The following ADAMTSL1 variants were observed in gnomAD, a reference collection of about 807,000 sequenced individuals.
ADAMTSL1 encodes the protein ADAMTS like 1, also known as ADAMTS-like protein 1.
A neutral mutation model predicts 201.8 loss-of-function variants in ADAMTSL1; 126 were observed. That is an observed-to-expected ratio of 0.62 (90% confidence interval 0.54 to 0.72). The LOEUF is 0.72. Ranked by LOEUF, ADAMTSL1 falls within the 30% of genes least tolerant of loss-of-function variation. The probability of loss-of-function intolerance (pLI) is 0.00; values close to 1 mark genes in which losing one functional copy is unlikely to be tolerated. For missense variants in ADAMTSL1, 2,679 were observed against 2,277.8 expected (o/e 1.18, Z -3.59); for synonymous variants, 1,121 against 903.4 (o/e 1.24, Z -4.32).
At chr9:18,620,989 G>C (rs1826002811) in intron 4 of ADAMTSL1, among the ~76,000 whole-genome samples, 1 of 152,040 alleles carries the variant, frequency 6.6e-6, no homozygotes, top group Non-Finnish European at 1.5e-5. Flanking sequence ...TTATTAATAA[G>C]AGGAATAAAA....
At chr9:18,255,781 C>T (rs927590472) in intron 2 of ADAMTSL1, among the ~76,000 whole-genome samples, 13 of 152,136 alleles carry the variant, frequency 8.5e-5, no homozygotes, top group African/African-American at 3.1e-4. Context: ...CCCACTCCCT[C>T]CCACCTCTCT....
intron 2 of ADAMTSL1, among the ~76,000 whole-genome samples, chr9:18,397,381 T>C (rs757146512): frequency 3.3e-5 from 5 of 152,110 alleles, no homozygotes; most frequent in Admixed American, 6.5e-5. Context: ...TATGATACCA[T>C]TGAATCCATG....
intron 2 of ADAMTSL1, among the ~76,000 whole-genome samples, chr9:18,378,250 C>T (rs935179619): frequency 1.6e-4 from 24 of 152,114 alleles, no homozygotes; most frequent in Admixed American, 1.6e-3. Context: ...TATTTGAGGA[C>T]TAACGGAAAT....
At chr9:18,155,429 G>A (rs1409013885) in intron 1 of ADAMTSL1, among the ~76,000 whole-genome samples, 2 of 152,004 alleles carry the variant, frequency 1.3e-5, no homozygotes, top group African/African-American at 4.8e-5. Context: ...CACTAGTTCT[G>A]ATCATTACTT....
At chr9:18,187,115 GT>G (rs1828772433) in intron 2 of ADAMTSL1, among the ~76,000 whole-genome samples, 1 of 152,140 alleles carries the variant, frequency 6.6e-6, no homozygotes, top group South Asian at 2.1e-4. Flanking sequence ...TTCCCAGTAA[GT>G]AACTCACATT....
intron 2 of ADAMTSL1, among the ~76,000 whole-genome samples, chr9:18,529,129 C>T (rs982885704): frequency 6.6e-6 from 1 of 152,090 alleles, no homozygotes; most frequent in East Asian, 1.9e-4. Flanking sequence ...AATTTATATT[C>T]AAATTTCATA....
intron 8 of ADAMTSL1, 148 bp from the exon 9 acceptor site, chr9:18,661,787 T>G (rs1829109813): frequency 2.5e-6 from 2 of 805,248 alleles, no homozygotes; most frequent in Non-Finnish European, 3.7e-6. Flanking sequence ...CAAAAATTAA[T>G]GAGCCTTCCA....
chr9:18,020,619 C>T (rs1006486499), intron 1 of ADAMTSL1, among the ~76,000 whole-genome samples: 1 of 152,062 alleles, frequency 6.6e-6, no homozygotes, highest in East Asian at 1.9e-4. Context: ...CGGAGACCAC[C>T]CCCATGATCC....
At chr9:18,759,617 T>C (rs1819955587) in intron 16 of ADAMTSL1, among the ~76,000 whole-genome samples, 2 of 152,228 alleles carry the variant, frequency 1.3e-5, no homozygotes, top group African/African-American at 4.8e-5. Context: ...ATCCTATCTT[T>C]TGAGGCAGCA....
rs919316503 is a variant in ADAMTSL1, at chr9:18,559,445, C to T, written c.238-14585C>T. Among the ~76,000 whole-genome samples, 9 of 152,094 alleles carry T rather than the reference C, an allele frequency of 5.9e-5. No homozygotes were observed. The East Asian group carries it at 1.4e-3, about 23-fold the overall frequency. On this transcript the variant is annotated intron_variant, in intron 3 of 28. Transcript: ENST00000380548. ...TAGTTTGAAGTCAGGTAATGTGATA[C>T]CTCCAGCTTTGTTCTTTTTGCTTAG... is the stretch of plus-strand genomic sequence containing the variant.
chr9:18,180,508 G>C (rs1188434990), intron 2 of ADAMTSL1, among the ~76,000 whole-genome samples: 1 of 147,346 alleles, frequency 6.8e-6, no homozygotes, highest in Non-Finnish European at 1.5e-5. Context: ...ACTCCAGCCT[G>C]GGTGACAGAG....
At chr9:18,826,028 A>C in intron 21 of ADAMTSL1, 1 of 589,802 alleles carries the variant, frequency 1.7e-6, no homozygotes, top group East Asian at 2.8e-5. Flanking sequence ...TGTAAGTTTA[A>C]AAGGCAAAAG....
intron 26 of ADAMTSL1, among the ~76,000 whole-genome samples, chr9:18,901,136 T>G (rs1166938718): frequency 7.0e-6 from 1 of 143,834 alleles, no homozygotes; most frequent in Non-Finnish European, 1.5e-5. Context: ...AAATAAGCCC[T>G]TTTTCTTTAT....
intron 1 of ADAMTSL1, among the ~76,000 whole-genome samples, chr9:18,003,424 A>G (rs1161521842): frequency 6.6e-6 from 1 of 152,064 alleles, no homozygotes; most frequent in Non-Finnish European, 1.5e-5. Flanking sequence ...ATGTGGTGAA[A>G]GGAATCTCTC....
chr9:18,833,845 C>T (rs1406086911), intron 23 of ADAMTSL1, among the ~76,000 whole-genome samples: 1 of 152,108 alleles, frequency 6.6e-6, no homozygotes, highest in African/African-American at 2.4e-5. Flanking sequence ...GTCTTCAATC[C>T]ATCTTGAGTT....
chr9:18,567,723 C>G (rs1005936282), intron 3 of ADAMTSL1, among the ~76,000 whole-genome samples: 1 of 152,064 alleles, frequency 6.6e-6, no homozygotes, highest in East Asian at 1.9e-4. Flanking sequence ...TAGATACTAA[C>G]ACAAATATAT....
At chr9:18,209,191 G>GGATTGTGACATGCTATATAAAGGAAAATA (rs1389213134) in intron 2 of ADAMTSL1, among the ~76,000 whole-genome samples, 1 of 152,046 alleles carries the variant, frequency 6.6e-6, no homozygotes. Flanking sequence ...TTTGTTATAT[G>GGATTGTGACATGCTATATAAAGGAAAATA]TTTTGCTTAC....
At chr9:17,934,008 G>A (rs1187481303) in intron 1 of ADAMTSL1, among the ~76,000 whole-genome samples, 1 of 151,932 alleles carries the variant, frequency 6.6e-6, no homozygotes, top group Non-Finnish European at 1.5e-5. Context: ...TTGTCTTTAC[G>A]GTATTAACTT....
At chr9:18,513,744 T>G (rs1818182234) in intron 2 of ADAMTSL1, among the ~76,000 whole-genome samples, 1 of 152,226 alleles carries the variant, frequency 6.6e-6, no homozygotes, top group Non-Finnish European at 1.5e-5. Flanking sequence ...TTCCCCATTG[T>G]GTATTCTTGG....
Sources: gnomAD v4.1 joint callset for allele counts (sites outside exome capture counted in the v4.1 genomes callset) on GRCh38, gnomAD v4.1.1 for gene constraint, MANE v1.5 for transcripts, NCBI Gene and HGNC (gene_info 2026-07-23, HGNC 2026-07-21) for gene names.